TMEM131L: variants seen among roughly 807,000 people sequenced by gnomAD.
TMEM131L encodes the protein transmembrane protein 131-like.
TMEM131L carries 54 observed loss-of-function variants against 192.2 expected under a neutral mutation model. That is an observed-to-expected ratio of 0.28 (90% CI 0.23 to 0.35). TMEM131L has a LOEUF of 0.35. Among genes scored for constraint, TMEM131L ranks in the 10% least tolerant of loss-of-function variants. The pLI is 1.00. For synonymous variants in TMEM131L, 701 were observed against 704.9 expected (o/e 0.99, Z 0.09); for missense variants, 1,888 against 1,972.9 (o/e 0.96, Z 0.82).
At chr4:153,537,721 A>G (rs555467450) in intron 3 of TMEM131L, among the ~76,000 whole-genome samples, 12 of 152,096 alleles carry the variant, frequency 7.9e-5, no homozygotes, top group Non-Finnish European at 1.8e-4. Context: ...CTGACCTCTT[A>G]TCTCATCCAA....
chr4:153,602,533 T>C lies in TMEM131L; in HGVS notation c.2454-9T>C, dbSNP rs1201024110. 2.5e-6 allele frequency: 4 copies of C among 1,613,090 alleles called. No homozygotes were observed. Among genetic ancestry groups the C allele is most frequent in the East Asian group, 2.2e-5 (1 of 44,882 alleles). On this transcript the variant is annotated splice_polypyrimidine_tract_variant and intron_variant, in intron 22 of 34. Transcript: ENST00000409959. Reference sequence around the variant, plus strand: ...TAAAAGTTCATAAAGATGACTCTTTTATTTTCAGGTTCACTCCAGACTTTA... The same window carrying C: ...TAAAAGTTCATAAAGATGACTCTTTCATTTTCAGGTTCACTCCAGACTTTA...
At chr4:153,593,503 T>C (rs1161688293) in intron 18 of TMEM131L, among the ~76,000 whole-genome samples, 1 of 152,184 alleles carries the variant, frequency 6.6e-6, no homozygotes, top group Admixed American at 6.5e-5. Context: ...AGTTGCTTTA[T>C]ATTTAGAGCT....
chr4:153,474,793 T>TG (rs1731412601), intron 3 of TMEM131L, among the ~76,000 whole-genome samples: 1 of 152,160 alleles, frequency 6.6e-6, no homozygotes, highest in African/African-American at 2.4e-5. Context: ...TGACCTCAAG[T>TG]GATCCGCCCG....
intron 19 of TMEM131L, among the ~76,000 whole-genome samples, chr4:153,594,849 T>A (rs1731317342): frequency 6.6e-6 from 1 of 152,154 alleles, no homozygotes; most frequent in Admixed American, 6.5e-5. Context: ...TCTCTCCTTC[T>A]CATTTTCTCC....
At chr4:153,524,131 G>GTTTTTTTTTTTTTT (rs57178282) in intron 3 of TMEM131L, among the ~76,000 whole-genome samples, 1 of 122,734 alleles carries the variant, frequency 8.1e-6, no homozygotes. Flanking sequence ...TTTCACTTCT[G>GTTTTTTTTTTTTTT]TTTTTTTTTT....
At chr4:153,618,593 A>G (rs191111970) in intron 26 of TMEM131L, among the ~76,000 whole-genome samples, 27 of 152,160 alleles carry the variant, frequency 1.8e-4, no homozygotes, top group East Asian at 9.6e-4. Context: ...AGTCCACACA[A>G]TGCTTTGAGG....
At chr4:153,617,212 T>A (rs938990520) in intron 26 of TMEM131L, among the ~76,000 whole-genome samples, 4 of 152,210 alleles carry the variant, frequency 2.6e-5, no homozygotes, top group African/African-American at 7.2e-5. Flanking sequence ...CCTTCTCTTG[T>A]CTGCTGCCAT....
rs188308876 is a variant in TMEM131L, at chr4:153,496,161, C to T, written c.239+22273C>T. Among the ~76,000 whole-genome samples the T allele has an allele frequency of 1.3e-3, 193 of 152,306 alleles. 1 individual carries two copies. The highest frequency in any genetic ancestry group is 4.3e-3 in the African/African-American group (178 of 41,558). ...AAAATAGATTAGGCTATGGGTTTAA[C>T]GGATAGGAATTCTTTAGAAAGGTAT... On this transcript the variant is annotated intron_variant, in intron 3 of 34. Transcript: ENST00000409959.
chr4:153,585,635 A>G, intron 13 of TMEM131L, 24 bp downstream of exon 13: 1 of 1,546,272 alleles, frequency 6.5e-7, no homozygotes, highest in Non-Finnish European at 8.8e-7. Flanking sequence ...TTTTTCCCCA[A>G]GTTTTAGCTT....
At chr4:153,527,701 GA>G (rs1268234548) in intron 3 of TMEM131L, among the ~76,000 whole-genome samples, 1 of 152,164 alleles carries the variant, frequency 6.6e-6, no homozygotes, top group Non-Finnish European at 1.5e-5. Flanking sequence ...TGTTGCCAGT[GA>G]AAGGATCAGA....
At chr4:153,473,698 A>C in intron 2 of TMEM131L, 147 bp from the exon 3 acceptor site, 1 of 564,212 alleles carries the variant, frequency 1.8e-6, no homozygotes, top group Non-Finnish European at 3.1e-6. Flanking sequence ...AGGCTGAGGC[A>C]GGAGAATTGC....
At position 153,632,766 on chromosome 4, in the gene TMEM131L, C is replaced by T. The variant is rs1734299978; in HGVS notation, c.4256C>T (p.Thr1419Ile). 1.2e-6 allele frequency: 2 copies of T among 1,613,976 alleles called. No individual in the cohort carries two copies. The highest frequency in any genetic ancestry group is 3.3e-5 in the Admixed American group (2 of 60,000). Reference sequence around the variant, plus strand: ...TGGCCCACTCCGCCAGTGTGTGTGACAAGCAGCTTAAACTGCACCCTGGAG... The same window carrying T: ...TGGCCCACTCCGCCAGTGTGTGTGATAAGCAGCTTAAACTGCACCCTGGAG... ...DLWPTPPVCV[T>I]SSLNCTLENG... Residue 1419 changes from threonine to isoleucine, a missense_variant, in exon 32 of 35, where the codon ACA becomes ATA. By Grantham distance (89) the Thr-to-Ile change is moderately conservative. Coordinates refer to ENST00000409959, the MANE Select transcript of TMEM131L (RefSeq NM_001131007.2).
intron 17 of TMEM131L, 99 bp downstream of exon 17, chr4:153,591,293 G>T: frequency 8.4e-7 from 1 of 1,185,638 alleles, no homozygotes; most frequent in Non-Finnish European, 1.1e-6. Flanking sequence ...CCATTTCAAA[G>T]CCAAAATTAA....
At chr4:153,556,855 G>C in intron 5 of TMEM131L, 111 bp from the exon 6 acceptor site, 1 of 611,756 alleles carries the variant, frequency 1.6e-6, no homozygotes, top group Non-Finnish European at 2.9e-6. Context: ...TGATAAGGGT[G>C]CACAATATAC....
At chr4:153,630,332 A>G (rs957467037) in intron 31 of TMEM131L, among the ~76,000 whole-genome samples, 3 of 152,206 alleles carry the variant, frequency 2.0e-5, no homozygotes, top group African/African-American at 7.2e-5. Flanking sequence ...TGCAGTATTG[A>G]CCTCAGCCAT....
chr4:153,516,153 T>C (rs1734715540), intron 3 of TMEM131L, among the ~76,000 whole-genome samples: 1 of 152,232 alleles, frequency 6.6e-6, no homozygotes. Context: ...TGTAAGTTGC[T>C]TTTTAAACTT....
chr4:153,632,264 G>A (rs984611248), intron 31 of TMEM131L: 7 of 161,378 alleles, frequency 4.3e-5, no homozygotes, highest in Non-Finnish European at 9.5e-5. Flanking sequence ...AGTGAACCAA[G>A]ATGCCACCAC....
intron 25 of TMEM131L, among the ~76,000 whole-genome samples, chr4:153,605,514 C>T (rs1195963260): frequency 2.0e-5 from 3 of 152,190 alleles, no homozygotes; most frequent in Non-Finnish European, 2.9e-5. Flanking sequence ...ACTACGGGCA[C>T]ATGCCATCAT....
intron 19 of TMEM131L, among the ~76,000 whole-genome samples, chr4:153,594,737 CTTTCT>C (rs1401837248): frequency 1.3e-5 from 2 of 152,188 alleles, no homozygotes; most frequent in African/African-American, 2.4e-5. Flanking sequence ...ACAGACTCTC[CTTTCT>C]TTTCTTAAGT....
Sources: gnomAD v4.1 joint callset for allele counts (sites outside exome capture counted in the v4.1 genomes callset) on GRCh38, gnomAD v4.1.1 for gene constraint, MANE v1.5 for transcripts, NCBI Gene and HGNC (gene_info 2026-07-23, HGNC 2026-07-21) for gene names.